The following WDPCP variants were observed in gnomAD, a reference collection of about 807,000 sequenced individuals.
WDPCP encodes the protein WD repeat-containing and planar cell polarity effector protein fritz homolog.
In WDPCP, 71 loss-of-function variants were observed where a neutral mutation model predicts 93.1. The observed-to-expected ratio is 0.76, with a 90% confidence interval of 0.63 to 0.93. The LOEUF (loss-of-function observed/expected upper bound fraction) is 0.93, where lower values mean the gene tolerates loss of function less well. WDPCP is among the 40% of genes least tolerant of loss of function. The probability of loss-of-function intolerance (pLI) is 0.00; values close to 1 mark genes in which losing one functional copy is unlikely to be tolerated. For synonymous variants in WDPCP, 315 were observed against 315.0 expected (o/e 1.00, Z 0.00); for missense variants, 844 against 887.4 (o/e 0.95, Z 0.62).
intron 1 of WDPCP, among the ~76,000 whole-genome samples, chr2:63,526,366 A>T (rs1332527685): frequency 2.0e-5 from 3 of 152,090 alleles, no homozygotes; most frequent in Non-Finnish European, 4.4e-5. Flanking sequence ...ATTCTCCTCT[A>T]TTTTAAAATA....
intron 1 of WDPCP, among the ~76,000 whole-genome samples, chr2:63,504,931 AGC>A (rs1173328738): frequency 6.6e-6 from 1 of 152,102 alleles, no homozygotes; most frequent in African/African-American, 2.4e-5. Flanking sequence ...TATAAAAGTA[AGC>A]TCCAATATGA....
chr2:63,418,700 A>G (rs1328026942), intron 9 of WDPCP, among the ~76,000 whole-genome samples: 1 of 152,226 alleles, frequency 6.6e-6, no homozygotes, highest in Non-Finnish European at 1.5e-5. Context: ...GGCATGGTGA[A>G]AAGGCAAACA....
intron 15 of WDPCP, among the ~76,000 whole-genome samples, chr2:63,172,968 C>G (rs892617538): frequency 1.3e-5 from 2 of 151,980 alleles, no homozygotes; most frequent in South Asian, 2.1e-4. Flanking sequence ...ACAATCCCAT[C>G]AAGAATTTGT....
At chr2:63,262,152 T>C (rs1184737344) in intron 13 of WDPCP, among the ~76,000 whole-genome samples, 1 of 152,176 alleles carries the variant, frequency 6.6e-6, no homozygotes, top group African/African-American at 2.4e-5. Flanking sequence ...TGCCCTTGAC[T>C]GGTATCAAGA....
intron 13 of WDPCP, among the ~76,000 whole-genome samples, chr2:63,264,368 G>A (rs746888513): frequency 5.9e-5 from 9 of 152,162 alleles, no homozygotes; most frequent in Admixed American, 1.3e-4. Flanking sequence ...GGCTGGGTGC[G>A]GTGGCTCACG....
chr2:63,126,177 G>A (rs904115199), intron 17 of WDPCP, among the ~76,000 whole-genome samples: 4 of 150,138 alleles, frequency 2.7e-5, no homozygotes, highest in African/African-American at 7.4e-5. Context: ...CAAGTGATCC[G>A]CCTGCCTTGA....
At chr2:63,426,540 C>T (rs946825879) in intron 9 of WDPCP, among the ~76,000 whole-genome samples, 40 of 152,110 alleles carry the variant, frequency 2.6e-4, no homozygotes, top group African/African-American at 9.4e-4. Flanking sequence ...ACAAGAGGTC[C>T]TTAAGGGAGT....
At chr2:63,447,077 T>C (rs1489428257) in intron 6 of WDPCP, among the ~76,000 whole-genome samples, 4 of 152,140 alleles carry the variant, frequency 2.6e-5, no homozygotes, top group African/African-American at 9.7e-5. Context: ...AATCAGAAAT[T>C]TTTTCCCAAC....
intron 14 of WDPCP, among the ~76,000 whole-genome samples, chr2:63,234,115 C>T (rs1039899905): frequency 3.3e-5 from 5 of 152,116 alleles, no homozygotes; most frequent in Non-Finnish European, 7.4e-5. Flanking sequence ...ACACATTCTC[C>T]ATCATACAGT....
At position 63,259,325 on chromosome 2, in the gene WDPCP, A is replaced by G; in HGVS notation, c.1897T>C (p.Ser633Pro). 6.2e-7 allele frequency: 1 copy of G among 1,612,848 alleles called. No homozygotes were observed. Among genetic ancestry groups the G allele is most frequent in the Non-Finnish European group, 8.5e-7 (1 of 1,179,550 alleles). Residue 633 changes from serine to proline, a missense_variant, in exon 14 of 18, where the codon TCA (serine) becomes CCA (proline). Coordinates refer to ENST00000272321, the MANE Select transcript of WDPCP (RefSeq NM_015910.7). Reference protein sequence around the residue: ...RKRASDIDAESITSGVELLGP... With the variant: ...RKRASDIDAEPITSGVELLGP... Reference sequence around the variant, plus strand: ...TTCTTACCAACCCCAGAGGTTATTGATTCTGCATCAATGTCACTAGCTCTT... The same window carrying G: ...TTCTTACCAACCCCAGAGGTTATTGGTTCTGCATCAATGTCACTAGCTCTT...
chr2:63,725,790 G>A (rs186516202), intron 2 of WDPCP, among the ~76,000 whole-genome samples: 2 of 152,230 alleles, frequency 1.3e-5, no homozygotes, highest in East Asian at 3.9e-4. Flanking sequence ...AAATTTCTCT[G>A]ATGATTGGTG....
At chr2:63,174,323 ATAT>A (rs1456728617) in intron 15 of WDPCP, among the ~76,000 whole-genome samples, 3 of 152,066 alleles carry the variant, frequency 2.0e-5, no homozygotes, top group East Asian at 3.8e-4. Context: ...CATTAAATAA[ATAT>A]TATATAAATT....
chr2:63,676,678 G>A, intron 2 of WDPCP, among the ~76,000 whole-genome samples: 1 of 152,156 alleles, frequency 6.6e-6, no homozygotes, highest in Non-Finnish European at 1.5e-5. Context: ...AAAAGAAAGA[G>A]GATGGGTATG....
At chr2:63,713,112 G>A (rs1575755173) in intron 2 of WDPCP, among the ~76,000 whole-genome samples, 2 of 152,170 alleles carry the variant, frequency 1.3e-5, no homozygotes, top group Non-Finnish European at 2.9e-5. Context: ...CATCTTCTGG[G>A]TGCACTATGT....
chr2:63,699,513 G>A (rs745838646), intron 2 of WDPCP, among the ~76,000 whole-genome samples: 3 of 152,214 alleles, frequency 2.0e-5, no homozygotes, highest in Non-Finnish European at 2.9e-5. Context: ...GGTGTATAAA[G>A]CAGTTTTTGA....
intron 2 of WDPCP, among the ~76,000 whole-genome samples, chr2:63,758,054 G>A (rs1422715286): frequency 1.3e-5 from 2 of 150,704 alleles, no homozygotes; most frequent in African/African-American, 4.9e-5. Context: ...ACAAAGACAA[G>A]TAGGATCAAT....
rs957160351 is a variant in WDPCP, at chr2:63,633,557, C to T, written n.488+17102G>A. 4.6e-5 allele frequency among the ~76,000 whole-genome samples: 7 copies of T among 151,560 alleles called. No individual in the cohort carries two copies. In the East Asian group the frequency reaches 5.8e-4, roughly 13 times the overall value. On this transcript the variant is annotated intron_variant and non_coding_transcript_variant, in intron 3 of 4. Transcript: ENST00000467687. ...TAATTATATAATATTTTATGGAAGC[C>T]GCATGGTAACAACAAAGTACAAATC...
At chr2:63,837,617 T>G in the WDPCP span, among the ~76,000 whole-genome samples, 5 of 152,252 alleles carry the variant, frequency 3.3e-5, no homozygotes, top group Admixed American at 6.5e-5. Flanking sequence ...TTCATACCTT[T>G]AACAATTCCT....
chr2:63,256,906 T>C (rs889846659), intron 14 of WDPCP, among the ~76,000 whole-genome samples: 1 of 152,168 alleles, frequency 6.6e-6, no homozygotes. Flanking sequence ...TCTGGACAGC[T>C]GGGCTGAGAT....
Sources: allele counts gnomAD v4.1 joint callset (sites outside exome capture counted in the v4.1 genomes callset), GRCh38; gene constraint gnomAD v4.1.1; transcripts MANE v1.5; gene names NCBI Gene and HGNC (gene_info 2026-07-23, HGNC 2026-07-21).